The following LMNA variants were observed in gnomAD, a reference collection of about 807,000 sequenced individuals.
LMNA encodes the protein lamin A/C.
Under a neutral mutation model 70.4 loss-of-function variants are expected in LMNA, and 20 were observed. The observed-to-expected ratio is 0.28, with a 90% CI of 0.20 to 0.41. LMNA has a LOEUF of 0.41. LMNA is among the 10% of genes least tolerant of loss of function. LMNA has a pLI of 1.00. For missense variants in LMNA, 652 were observed against 917.2 expected (o/e 0.71, Z 3.73); for synonymous variants, 339 against 372.8 (o/e 0.91, Z 1.04).
chr1:156,097,597 G>C (rs914377675), intron 3 of LMNA, among the ~76,000 whole-genome samples: 2 of 152,260 alleles, frequency 1.3e-5, no homozygotes, highest in African/African-American at 4.8e-5. Context: ...AGCCAGGATT[G>C]GAACCCAGGC....
At chr1:156,089,583 A>C (rs1648613958) in intron 2 of LMNA, among the ~76,000 whole-genome samples, 1 of 134,412 alleles carries the variant, frequency 7.4e-6, no homozygotes, top group Non-Finnish European at 1.6e-5. Context: ...GCAAGAGCCA[A>C]ACTCCGTCTA....
rs1036308015 is a variant in LMNA at position 156,139,556 on chromosome 1, G to A, written c.*450G>A. 8 of 1,384,440 alleles carry A rather than the reference G, an allele frequency of 5.8e-6. No homozygotes were observed. The highest frequency in any genetic ancestry group is 3.2e-5 in the Admixed American group (1 of 30,982). 85.8% of individuals were successfully genotyped at this position (1,384,440 alleles called of 1,614,324 possible). Reference sequence around the variant, plus strand: ...GCTTCTCCGCCAGCCTCCTCTGGACGGCAGGCTCACTGCCAGGCCAGCCTC... The same window carrying A: ...GCTTCTCCGCCAGCCTCCTCTGGACAGCAGGCTCACTGCCAGGCCAGCCTC... On this transcript the variant is annotated 3_prime_UTR_variant, in exon 12 of 12. Transcript: ENST00000368300.
intron 1 of LMNA, among the ~76,000 whole-genome samples, chr1:156,121,942 G>A (rs987322600): frequency 2.0e-5 from 3 of 152,020 alleles, no homozygotes; most frequent in African/African-American, 7.3e-5. Flanking sequence ...ATCACTTCAG[G>A]TCAGGAGTTA....
intron 2 of LMNA, chr1:156,090,395 CAGAG>C (rs879847763): frequency 6.6e-6 from 1 of 152,110 alleles, no homozygotes; most frequent in Admixed American, 6.6e-5. Flanking sequence ...AAGCAAAAGG[CAGAG>C]AGAGGGGTGG....
At position 156,126,741 on chromosome 1, in the gene LMNA, C is replaced by T. The variant is rs182588937; in HGVS notation, c.357-3876C>T. ...TTCCCTCTTTCTGAGATCAGATTTG[C>T]CAGTGATGGGAAGAGTTAGAAACAG... On this transcript the variant is annotated intron_variant, in intron 1 of 11. Transcript: ENST00000368300. 3,214 of 1,567,544 alleles carry T rather than the reference C, an allele frequency of 2.1e-3. 2 individuals are homozygous for T. Among genetic ancestry groups the T allele is most frequent in the Non-Finnish European group, 2.4e-3 (2,726 of 1,156,658 alleles).
chr1:156,137,109 C>T lies in LMNA; in HGVS notation c.1489-4C>T. 1 of 1,613,924 alleles carries T rather than the reference C, an allele frequency of 6.2e-7. No homozygotes were observed. Among genetic ancestry groups the T allele is most frequent in the Non-Finnish European group, 8.5e-7 (1 of 1,179,908 alleles). Reference sequence around the variant, plus strand: ...TGGGGTAAGTGTCCTTTTCTCCTCTCCAGATCTGGGCTGCAGGAGCTGGGG... The same window carrying T: ...TGGGGTAAGTGTCCTTTTCTCCTCTTCAGATCTGGGCTGCAGGAGCTGGGG... On this transcript the variant is annotated splice_region_variant and splice_polypyrimidine_tract_variant and intron_variant, in intron 8 of 11. Coordinates refer to ENST00000368300, the MANE Select transcript of LMNA (RefSeq NM_170707.4). The surrounding 1 kb of genome is among the most constrained non-coding windows in gnomAD (Gnocchi z 4.6).
upstream of LMNA, among the ~76,000 whole-genome samples, chr1:156,112,053 C>T (rs1028821100): frequency 6.6e-6 from 1 of 152,112 alleles, no homozygotes; most frequent in African/African-American, 2.4e-5. Flanking sequence ...CGCAGGGAAC[C>T]TTTAGAAAGA....
rs779386980 is a variant in LMNA, at chr1:156,135,547, G to C, written c.936+235G>C. The stretch of plus-strand genomic sequence containing the variant: ...TCTCAGGGCTTTGGTTTTCCCATTC[G>C]AAAATGGAGGCTGTTCTTAATCTCC... On this transcript the variant is annotated intron_variant, in intron 5 of 11. Transcript: ENST00000368300. This position sits in a 1 kb window ranked among gnomAD's most constrained non-coding sequence, Gnocchi z 4.8. 3 of 622,214 alleles carry C rather than the reference G, an allele frequency of 4.8e-6. No individual in the cohort carries two copies. In the Admixed American group the frequency reaches 8.3e-5, roughly 17 times the overall value. 38.5% of individuals were successfully genotyped at this position (622,214 alleles called of 1,614,324 possible).
In LMNA at chr1:156,135,965, G is replaced by C; in HGVS notation, c.1001G>C (p.Ser334Thr). ...TCACTGGCCCGTGAGCGGGACACCA[G>C]CCGGCGGCTGCTGGCGGAAAAGGAG... is the stretch of plus-strand genomic sequence containing the variant. ...EDSLARERDT[S>T]RRLLAEKERE... The change falls in exon 6 of 12, where the codon AGC (serine) becomes ACC (threonine). Residue 334 changes from serine to threonine, a missense_variant. This residue lies in a region of LMNA where 38 missense variants were observed against 32.5 expected (regional missense o/e 1.17). Transcript: ENST00000368300. This position sits in a 1 kb window ranked among gnomAD's most constrained non-coding sequence, Gnocchi z 4.8. The C allele has an allele frequency of 6.2e-7, 1 of 1,614,038 alleles. No individual in the cohort carries two copies. Among genetic ancestry groups the C allele is most frequent in the Non-Finnish European group, 8.5e-7 (1 of 1,180,022 alleles).
At chr1:156,097,632 G>A (rs1318852520) in intron 3 of LMNA, among the ~76,000 whole-genome samples, 2 of 152,232 alleles carry the variant, frequency 1.3e-5, no homozygotes, top group Non-Finnish European at 2.9e-5. Context: ...ACCATGCTTG[G>A]GAAGGCCCAG....
At chr1:156,108,066 C>T (rs780399734) in intron 3 of LMNA, among the ~76,000 whole-genome samples, 1 of 152,076 alleles carries the variant, frequency 6.6e-6, no homozygotes, top group Non-Finnish European at 1.5e-5. Context: ...TGCTCCCAGC[C>T]GGAATTTGGG....
At chr1:156,121,004 C>T (rs959969497) in intron 1 of LMNA, among the ~76,000 whole-genome samples, 2 of 149,706 alleles carry the variant, frequency 1.3e-5, no homozygotes, top group East Asian at 3.9e-4. Flanking sequence ...CTGAGGGTAT[C>T]TCCTGGTGTT....
chr1:156,095,823 G>GGTC (rs1176734937), intron 3 of LMNA, among the ~76,000 whole-genome samples: 1 of 152,188 alleles, frequency 6.6e-6, no homozygotes, highest in African/African-American at 2.4e-5. Flanking sequence ...CAGGCTGCCT[G>GGTC]GTCCTGCTTA....
intron 1 of LMNA, among the ~76,000 whole-genome samples, chr1:156,130,085 C>T (rs1432383327): frequency 6.6e-6 from 1 of 152,162 alleles, no homozygotes; most frequent in East Asian, 1.9e-4. Context: ...TTTCCTTCCC[C>T]ACAGTCCCAC....
At chr1:156,133,831 A>C (rs562367795) in intron 2 of LMNA, among the ~76,000 whole-genome samples, 4 of 152,084 alleles carry the variant, frequency 2.6e-5, no homozygotes, top group Non-Finnish European at 5.9e-5. Context: ...TCATGACAGT[A>C]GCTCTCTGTA....
At chr1:156,133,340 A>G (rs979204870) in intron 2 of LMNA, among the ~76,000 whole-genome samples, 4 of 151,874 alleles carry the variant, frequency 2.6e-5, no homozygotes, top group Admixed American at 2.0e-4. Context: ...TGGGAGGCCA[A>G]GGTGGGCAGA....
rs565491910 is a variant in LMNA, at chr1:156,138,278, A to G, written c.1699-210A>G. On this transcript the variant is annotated intron_variant, in intron 10 of 11. Transcript: ENST00000368300. The surrounding 1 kb of genome is among the most constrained non-coding windows in gnomAD (Gnocchi z 5.5). ...TCACTGCTCTGGTTCTCTGTCCCCA[A>G]GTCTTCCTGAGCCTTCTCCCCTTTT... 12 of 604,636 alleles carry G rather than the reference A, an allele frequency of 2.0e-5. No homozygotes were observed. The highest frequency in any genetic ancestry group is 3.5e-5 in the Non-Finnish European group (12 of 341,144). 37.5% of individuals were successfully genotyped at this position (604,636 alleles called of 1,614,324 possible).
Position 156,135,958 on chromosome 1 carries a change from G to C in LMNA, c.994G>C (p.Asp332His). Residue 332 changes from aspartate to histidine, a missense_variant, in exon 6 of 12, where the codon GAC becomes CAC. Coordinates refer to ENST00000368300, the MANE Select transcript of LMNA (RefSeq NM_170707.4). This position sits in a 1 kb window ranked among gnomAD's most constrained non-coding sequence, Gnocchi z 4.8. ...DLEDSLARER[D>H]TSRRLLAEKE... ...GGAGGACTCACTGGCCCGTGAGCGG[G>C]ACACCAGCCGGCGGCTGCTGGCGGA... 1 of 1,613,994 alleles carries C rather than the reference G, an allele frequency of 6.2e-7. No homozygotes were observed. The highest frequency in any genetic ancestry group is 8.5e-7 in the Non-Finnish European group (1 of 1,180,020).
intron 1 of LMNA, among the ~76,000 whole-genome samples, chr1:156,127,684 A>C: frequency 7.9e-6 from 1 of 126,518 alleles, no homozygotes; most frequent in African/African-American, 3.3e-5. Context: ...GTACCCAGCT[A>C]AATTTTTTTT....
Sources: gnomAD v4.1 joint callset for allele counts (sites outside exome capture counted in the v4.1 genomes callset) on GRCh38, gnomAD v4.1.1 for gene constraint, gnomAD v4.1.1 regional missense constraint, Gnocchi (gnomAD v3.1) non-coding constraint, MANE v1.5 for transcripts, NCBI Gene and HGNC (gene_info 2026-07-23, HGNC 2026-07-21) for gene names.